Variants in TSHZ2 observed in about 807,000 individuals in gnomAD.
The protein encoded by TSHZ2 is teashirt homolog 2.
In TSHZ2, 21 loss-of-function variants were observed where a neutral mutation model predicts 74.4. The observed-to-expected ratio is 0.28, with a 90% CI of 0.20 to 0.41. The LOEUF is 0.41. Among genes scored for constraint, TSHZ2 ranks in the 10% least tolerant of loss-of-function variants. TSHZ2 has a pLI of 1.00. For synonymous variants in TSHZ2, 540 were observed against 515.3 expected, an observed-to-expected ratio of 1.05 and a Z score of -0.65; for missense variants, 1,244 against 1,293.5, an observed-to-expected ratio of 0.96 and a Z score of 0.59.
intron 2 of TSHZ2, among the ~76,000 whole-genome samples, chr20:53,305,671 A>T (rs370152825): frequency 6.6e-6 from 1 of 152,048 alleles, no homozygotes; most frequent in Non-Finnish European, 1.5e-5. Context: ...GGCACCACGG[A>T]TGTACAATAT....
At chr20:53,021,700 T>A (rs539495143) in intron 1 of TSHZ2, among the ~76,000 whole-genome samples, 3 of 152,346 alleles carry the variant, frequency 2.0e-5, no homozygotes, top group African/African-American at 7.2e-5. Flanking sequence ...AATGAATATA[T>A]TCTTAGGAAG....
At chr20:53,323,966 T>A (rs146787295) in intron 2 of TSHZ2, among the ~76,000 whole-genome samples, 112 of 152,176 alleles carry the variant, frequency 7.4e-4, no homozygotes, top group Admixed American at 3.1e-3. Flanking sequence ...GGCAGACGGG[T>A]AGGGCAAGTC....
intron 1 of TSHZ2, among the ~76,000 whole-genome samples, chr20:53,045,107 A>G (rs913300858): frequency 4.6e-5 from 7 of 152,196 alleles, no homozygotes; most frequent in Non-Finnish European, 1.0e-4. Flanking sequence ...AGATGCATTT[A>G]CCACTCACAC....
chr20:53,083,836 CTA>C (rs973240038), intron 1 of TSHZ2, among the ~76,000 whole-genome samples: 16 of 149,130 alleles, frequency 1.1e-4, no homozygotes, highest in African/African-American at 3.4e-4. Flanking sequence ...GAGGGAATGT[CTA>C]TTTTTTTTAT....
intron 1 of TSHZ2, among the ~76,000 whole-genome samples, chr20:53,071,975 A>T (rs1985188600): frequency 6.6e-6 from 1 of 152,146 alleles, no homozygotes; most frequent in Non-Finnish European, 1.5e-5. Context: ...GTCAAAACAG[A>T]TGGGAGCTTT....
In TSHZ2 at chr20:53,093,028, A is replaced by C. The variant is rs1419152999; in HGVS notation, c.40+119695A>C. ...GACTGTAGTTTGCCCTGTGCTAGGG[A>C]GCACAGAAGAGATGCATTTGACTCT... On this transcript the variant is annotated intron_variant, in intron 1 of 2. Coordinates refer to ENST00000371497, the MANE Select transcript of TSHZ2 (RefSeq NM_173485.6). Among the ~76,000 whole-genome samples the C allele has an allele frequency of 3.3e-5, 5 of 152,160 alleles. No homozygotes were observed. In the East Asian group the frequency reaches 9.6e-4, roughly 29 times the overall value.
intron 1 of TSHZ2, among the ~76,000 whole-genome samples, chr20:53,151,584 A>G (rs1987678265): frequency 6.6e-6 from 1 of 152,212 alleles, no homozygotes; most frequent in Admixed American, 6.5e-5. Flanking sequence ...GCAATGAAGC[A>G]TTAGGATTAC....
At chr20:52,986,686 G>A (rs566585374) in intron 1 of TSHZ2, among the ~76,000 whole-genome samples, 6 of 152,082 alleles carry the variant, frequency 3.9e-5, no homozygotes, top group South Asian at 2.1e-4. Context: ...CCGAGATCTC[G>A]CCACTGCACT....
At chr20:53,381,328 A>G (rs923990516) in intron 2 of TSHZ2, among the ~76,000 whole-genome samples, 2 of 152,150 alleles carry the variant, frequency 1.3e-5, no homozygotes, top group Non-Finnish European at 2.9e-5. Flanking sequence ...AAATGAACCC[A>G]TTTGCTTGCC....
intron 1 of TSHZ2, among the ~76,000 whole-genome samples, chr20:53,151,765 A>T (rs1230248296): frequency 6.6e-6 from 1 of 152,228 alleles, no homozygotes; most frequent in Non-Finnish European, 1.5e-5. Flanking sequence ...TGGCCTTTCT[A>T]ATAACTACAG....
At chr20:53,290,682 G>A (rs1264797474) in intron 2 of TSHZ2, among the ~76,000 whole-genome samples, 2 of 152,278 alleles carry the variant, frequency 1.3e-5, no homozygotes, top group Non-Finnish European at 2.9e-5. Flanking sequence ...TGGGTATTAC[G>A]TGCAAAGACA....
At chr20:53,164,554 A>G (rs1988023087) in intron 1 of TSHZ2, among the ~76,000 whole-genome samples, 2 of 152,226 alleles carry the variant, frequency 1.3e-5, no homozygotes, top group South Asian at 2.1e-4. Flanking sequence ...CTGTATGTCT[A>G]CACTAGTAGC....
intron 2 of TSHZ2, among the ~76,000 whole-genome samples, chr20:53,435,608 G>C (rs6097418): frequency 6.6e-6 from 1 of 152,278 alleles, no homozygotes; most frequent in South Asian, 2.1e-4. Flanking sequence ...CTGCCTCCCA[G>C]GTTCAAGCAA....
intron 2 of TSHZ2, among the ~76,000 whole-genome samples, chr20:53,376,818 T>C (rs1022389453): frequency 6.6e-6 from 1 of 152,198 alleles, no homozygotes; most frequent in African/African-American, 2.4e-5. Flanking sequence ...GGGCCAACTC[T>C]CCCTAGAGCA....
chr20:53,471,444 A>G (rs1466296646), intron 2 of TSHZ2, among the ~76,000 whole-genome samples: 2 of 152,198 alleles, frequency 1.3e-5, no homozygotes, highest in Non-Finnish European at 1.5e-5. Context: ...ACTCAAAATT[A>G]TATATGCGAT....
chr20:53,270,815 G>A (rs894224951), intron 2 of TSHZ2, among the ~76,000 whole-genome samples: 1 of 152,112 alleles, frequency 6.6e-6, no homozygotes, highest in Non-Finnish European at 1.5e-5. Context: ...TGATGTTTCA[G>A]GTTATGCTTT....
At chr20:53,301,633 A>G (rs560200939) in intron 2 of TSHZ2, among the ~76,000 whole-genome samples, 1 of 152,332 alleles carries the variant, frequency 6.6e-6, no homozygotes, top group Admixed American at 6.5e-5. Context: ...GGAAAAGCAT[A>G]GAGAACGACA....
chr20:53,443,950 C>A (rs1379407211), intron 2 of TSHZ2, among the ~76,000 whole-genome samples: 3 of 152,094 alleles, frequency 2.0e-5, no homozygotes, highest in Admixed American at 2.0e-4. Flanking sequence ...ATGGGGGAAC[C>A]AAGGCACCAT....
At chr20:53,012,848 T>C (rs1982904315) in intron 1 of TSHZ2, among the ~76,000 whole-genome samples, 1 of 152,074 alleles carries the variant, frequency 6.6e-6, no homozygotes, top group Admixed American at 6.6e-5. Flanking sequence ...AGCTAAGATC[T>C]CTCCTTTCCA....
Sources: gnomAD v4.1 joint callset for allele counts (sites outside exome capture counted in the v4.1 genomes callset) on GRCh38, gnomAD v4.1.1 for gene constraint, MANE v1.5 for transcripts, NCBI Gene and HGNC (gene_info 2026-07-23, HGNC 2026-07-21) for gene names.